MTF2: variants seen among roughly 807,000 people sequenced by gnomAD.
The protein encoded by MTF2 is metal-response element-binding transcription factor 2.
A neutral mutation model predicts 79.5 loss-of-function variants in MTF2; 11 were observed. The ratio of observed to expected loss-of-function variants is 0.14; its 90% CI spans 0.09 to 0.23. The LOEUF is 0.23. Among genes scored for constraint, MTF2 ranks in the 10% least tolerant of loss-of-function variants. The pLI, the probability that MTF2 is intolerant of heterozygous loss-of-function variation, is 1.00. For synonymous variants in MTF2, 208 were observed against 232.8 expected (o/e 0.89, Z 0.97); for missense variants, 486 against 711.2 (o/e 0.68, Z 3.60).
At chr1:93,130,403 C>T (rs1365539088) in intron 11 of MTF2, among the ~76,000 whole-genome samples, 1 of 152,108 alleles carries the variant, frequency 6.6e-6, no homozygotes, top group Non-Finnish European at 1.5e-5. Flanking sequence ...TATGGTGAAG[C>T]CCATCTCTAC....
chr1:93,136,357 A>G (rs1647399601), intron 14 of MTF2, among the ~76,000 whole-genome samples: 1 of 152,150 alleles, frequency 6.6e-6, no homozygotes, highest in Admixed American at 6.5e-5. Context: ...TATTGGCAAT[A>G]CCTGATTTAT....
chr1:93,096,734 A>T (rs1217190468), intron 1 of MTF2, among the ~76,000 whole-genome samples: 3 of 151,428 alleles, frequency 2.0e-5, no homozygotes, highest in African/African-American at 4.9e-5. Context: ...TCAACTTCAA[A>T]TACTTATTTC....
At chr1:93,092,004 T>A (rs1263317937) in intron 1 of MTF2, among the ~76,000 whole-genome samples, 1 of 152,228 alleles carries the variant, frequency 6.6e-6, no homozygotes, top group Non-Finnish European at 1.5e-5. Context: ...TTCTACTTTT[T>A]CTTTGGTAAT....
chr1:93,127,066 G>A (rs770569024), intron 9 of MTF2, among the ~76,000 whole-genome samples, 166 bp from the exon 10 acceptor site: 20 of 152,040 alleles, frequency 1.3e-4, no homozygotes, highest in Admixed American at 4.6e-4. Context: ...GAGGTTAAAT[G>A]GCCCTAGGTC....
At chr1:93,134,751 C>A (rs376192621) in intron 14 of MTF2, among the ~76,000 whole-genome samples, 1 of 150,656 alleles carries the variant, frequency 6.6e-6, no homozygotes, top group Non-Finnish European at 1.5e-5. Context: ...CTTGAACTCC[C>A]GATCTCAAGT....
chr1:93,088,561 A>G (rs1434933330), intron 1 of MTF2, among the ~76,000 whole-genome samples: 2 of 152,182 alleles, frequency 1.3e-5, no homozygotes, highest in East Asian at 3.8e-4. Flanking sequence ...TATATTTAAC[A>G]GTGTCATTTA....
intron 11 of MTF2, among the ~76,000 whole-genome samples, chr1:93,133,072 G>A (rs1012355879): frequency 2.3e-4 from 35 of 150,132 alleles, no homozygotes; most frequent in African/African-American, 8.5e-4. Context: ...TTTAAAAAAT[G>A]GTTTTCTAGG....
chr1:93,133,745 T>C lies in MTF2; in HGVS notation c.1203T>C (p.Ser401=). The C allele has an allele frequency of 1.9e-6, 3 of 1,612,370 alleles. No individual in the cohort carries two copies. The highest frequency in any genetic ancestry group is 2.5e-6 in the Non-Finnish European group (3 of 1,179,460). The change falls in exon 12 of 15, where the codon TCT becomes TCC. Residue 401 remains serine (S), a synonymous_variant. Coordinates refer to ENST00000370298, the MANE Select transcript of MTF2 (RefSeq NM_007358.4). The part of the protein sequence containing the change: ...NGIEKKGKKK[S]VGRPPGPYTR... ...TAGAAAAAAAAGGAAAGAAAAAATC[T>C]GTAGGTCGTCCACCTGGCCCATATA...
chr1:93,127,220 G>C lies in MTF2; in HGVS notation c.922-12G>C. The C allele has an allele frequency of 7.5e-6, 12 of 1,601,258 alleles. No individual in the cohort carries two copies. The highest frequency in any genetic ancestry group is 1.0e-5 in the Non-Finnish European group (12 of 1,168,724). On this transcript the variant is annotated splice_polypyrimidine_tract_variant and intron_variant, in intron 9 of 14. Transcript: ENST00000370298. ...ATTGTAGTGCGTTAAATTGTTTCTTGATACTTCACAGCTGGCAGACACACC... is the reference window on the plus strand; with the variant it reads ...ATTGTAGTGCGTTAAATTGTTTCTTCATACTTCACAGCTGGCAGACACACC...
Position 93,115,077 on chromosome 1 carries a change from A to T in MTF2, c.472A>T (p.Thr158Ser), listed in dbSNP as rs376411392. 23 of 1,600,326 alleles carry T rather than the reference A, an allele frequency of 1.4e-5. No individual in the cohort carries two copies. Among genetic ancestry groups the T allele is most frequent in the Non-Finnish European group, 1.9e-5 (22 of 1,168,426 alleles). ...KWLCRQCVFA[T>S]TTKRGGALKK... ...GCTCTGTCGGCAGTGTGTTTTTGCAACAACAACAAAGGTATATTTTAAGTG... is the reference window on the plus strand; with the variant it reads ...GCTCTGTCGGCAGTGTGTTTTTGCATCAACAACAAAGGTATATTTTAAGTG... Residue 158 changes from threonine to serine, a missense_variant, in exon 5 of 15, where the codon ACA (threonine) becomes TCA (serine). This residue lies in a region of MTF2 where 177 missense variants were observed against 364.0 expected (regional missense o/e 0.49). Transcript: ENST00000370298.
chr1:93,131,597 A>G (rs1227069075), intron 11 of MTF2, among the ~76,000 whole-genome samples: 1 of 152,220 alleles, frequency 6.6e-6, no homozygotes, highest in Non-Finnish European at 1.5e-5. Flanking sequence ...TGGAAAGGGT[A>G]TATGTCATCA....
chr1:93,123,776 T>A (rs1420527438), intron 9 of MTF2, among the ~76,000 whole-genome samples: 3 of 145,518 alleles, frequency 2.1e-5, no homozygotes, highest in East Asian at 4.5e-4. Flanking sequence ...CCCCCCTTTT[T>A]TTAATAAAGG....
intron 1 of MTF2, among the ~76,000 whole-genome samples, chr1:93,097,303 G>C (rs1017239620): frequency 2.6e-5 from 4 of 152,128 alleles, no homozygotes; most frequent in African/African-American, 9.6e-5. Context: ...TTGGATGAAA[G>C]AGATAATTTA....
At chr1:93,097,595 G>T (rs901055313) in intron 1 of MTF2, among the ~76,000 whole-genome samples, 39 of 151,908 alleles carry the variant, frequency 2.6e-4, no homozygotes, top group Non-Finnish European at 5.4e-4. Context: ...CTGATTTCAG[G>T]TTTTTCCTTT....
intron 9 of MTF2, among the ~76,000 whole-genome samples, chr1:93,122,753 A>G (rs1019086105): frequency 5.9e-5 from 9 of 152,166 alleles, no homozygotes; most frequent in African/African-American, 2.2e-4. Flanking sequence ...CATCTCATTC[A>G]CAGACTTTGG....
intron 3 of MTF2, among the ~76,000 whole-genome samples, chr1:93,113,288 G>C (rs1656107005): frequency 6.6e-6 from 1 of 152,056 alleles, no homozygotes; most frequent in South Asian, 2.1e-4. Context: ...GCTGAGGTGG[G>C]AGCATTGCTT....
chr1:93,122,403 T>C (rs1350950536), intron 9 of MTF2, among the ~76,000 whole-genome samples: 1 of 152,114 alleles, frequency 6.6e-6, no homozygotes, highest in East Asian at 1.9e-4. Context: ...TTAATTAAAA[T>C]TTAAATTTTA....
chr1:93,112,982 G>T (rs956322040), intron 3 of MTF2, among the ~76,000 whole-genome samples: 4 of 152,134 alleles, frequency 2.6e-5, no homozygotes, highest in Non-Finnish European at 5.9e-5. Context: ...CATTTCCAGG[G>T]AATTGTAAAT....
intron 1 of MTF2, among the ~76,000 whole-genome samples, chr1:93,083,314 G>C (rs901644704): frequency 2.0e-5 from 3 of 152,120 alleles, no homozygotes; most frequent in Admixed American, 6.6e-5. Flanking sequence ...ACAATTTGAC[G>C]GAATATTTGG....
Sources: allele counts gnomAD v4.1 joint callset (sites outside exome capture counted in the v4.1 genomes callset), GRCh38; gene constraint gnomAD v4.1.1; regional missense constraint gnomAD v4.1.1; transcripts MANE v1.5; gene names NCBI Gene and HGNC (gene_info 2026-07-23, HGNC 2026-07-21).